The following NPM1 variants were observed in gnomAD, a reference collection of about 807,000 sequenced individuals.
NPM1 encodes nucleophosmin.
NPM1 carries 1 observed loss-of-function variant against 44.1 expected under a neutral mutation model. That is an observed-to-expected ratio of 0.02 (90% confidence interval 0.01 to 0.11). The LOEUF (loss-of-function observed/expected upper bound fraction) is 0.11, where lower values mean the gene tolerates loss of function less well. NPM1 is among the 10% of genes least tolerant of loss of function. The probability of loss-of-function intolerance (pLI) is 1.00; values close to 1 mark genes in which losing one functional copy is unlikely to be tolerated. For missense variants in NPM1, 197 were observed against 347.8 expected (o/e 0.57, Z 3.45); for synonymous variants, 126 against 111.8 (o/e 1.13, Z -0.80).
intron 10 of NPM1, among the ~76,000 whole-genome samples, chr5:171,409,559 A>G (rs1771722975): frequency 1.3e-5 from 2 of 152,212 alleles, no homozygotes; most frequent in South Asian, 2.1e-4. Context: ...AAAGATTTCT[A>G]TGATATTTAA....
intron 8 of NPM1, among the ~76,000 whole-genome samples, 181 bp from the exon 9 acceptor site, chr5:171,405,119 CCT>C (rs1332391854): frequency 2.0e-5 from 3 of 152,034 alleles, no homozygotes; most frequent in Non-Finnish European, 4.4e-5. Context: ...CTTATTCCTT[CCT>C]TAAAGGAAAG....
intron 7 of NPM1, among the ~76,000 whole-genome samples, 199 bp downstream of exon 7, chr5:171,400,409 T>C (rs772769856): frequency 1.3e-5 from 2 of 151,952 alleles, no homozygotes; most frequent in Non-Finnish European, 2.9e-5. Flanking sequence ...CTCCACCCAG[T>C]TTGTTAGTCT....
intron 9 of NPM1, chr5:171,406,345 A>G (rs1047002397): frequency 2.3e-5 from 35 of 1,504,784 alleles, no homozygotes; most frequent in Non-Finnish European, 2.9e-5. Context: ...CATCTTTTAG[A>G]TGCCCCTCCC....
At chr5:171,405,867 CTT>C in intron 9 of NPM1, 1 of 185,296 alleles carries the variant, frequency 5.4e-6, no homozygotes, top group Non-Finnish European at 1.1e-5. Context: ...AGACATTTCT[CTT>C]TGCCCTTTAC....
intron 4 of NPM1, among the ~76,000 whole-genome samples, chr5:171,392,277 A>C (rs1770616685): frequency 6.6e-6 from 1 of 152,140 alleles, no homozygotes; most frequent in Admixed American, 6.6e-5. Context: ...TCTCATTATA[A>C]CGGCTGGAGT....
At position 171,404,941 on chromosome 5, in the gene NPM1, T is replaced by G. The variant is rs573100021; in HGVS notation, c.670-361T>G. The stretch of plus-strand genomic sequence containing the variant: ...AAAAGCAAACTCCCAAGTTACTCTT[T>G]TTTTTTTTATTTAAAGAGATGGGTG... On this transcript the variant is annotated intron_variant, in intron 8 of 10. Transcript: ENST00000296930. 1.7e-3 allele frequency among the ~76,000 whole-genome samples: 265 copies of G among 152,184 alleles called. 1 individual carries two copies. The highest frequency in any genetic ancestry group is 3.4e-3 in the Middle Eastern group (1 of 294).
In NPM1 at chr5:171,391,230, C is replaced by T. The variant is rs2113166342; in HGVS notation, c.139-75C>T. ...CCTGTGGTTAAGTGACGCATGGCTG[C>T]ATATAACATTTAGTGGGGGGGTGTA... On this transcript the variant is annotated intron_variant, in intron 2 of 10. Transcript: ENST00000296930. 3 of 1,529,562 alleles carry T rather than the reference C, an allele frequency of 2.0e-6. No individual in the cohort carries two copies. The South Asian group carries it at 3.6e-5, about 19-fold the overall frequency. The allele number at this position is 1,529,562 out of a possible 1,614,324, so 94.7% of individuals were successfully genotyped here.
At chr5:171,388,753 G>T (rs1407920356) in intron 1 of NPM1, among the ~76,000 whole-genome samples, 1 of 152,204 alleles carries the variant, frequency 6.6e-6, no homozygotes, top group East Asian at 1.9e-4. Context: ...CATGTACTGT[G>T]ATGGCAGCTC....
intron 6 of NPM1, among the ~76,000 whole-genome samples, chr5:171,393,848 T>C (rs1770722309): frequency 6.6e-6 from 1 of 152,106 alleles, no homozygotes; most frequent in Non-Finnish European, 1.5e-5. Flanking sequence ...AAATTCAAAG[T>C]ATGACCAGGC....
upstream of NPM1, chr5:171,387,813 T>G: frequency 1.3e-6 from 1 of 797,472 alleles, no homozygotes. Context: ...TCGCGAGATC[T>G]TCAGGGTCTA....
chr5:171,403,444 CT>C (rs1370332102), intron 8 of NPM1, among the ~76,000 whole-genome samples: 1 of 117,162 alleles, frequency 8.5e-6, no homozygotes, highest in Non-Finnish European at 1.9e-5. Context: ...ATTTCTCAAT[CT>C]TTTCCCCACC....
upstream of NPM1, among the ~76,000 whole-genome samples, chr5:171,387,459 C>A (rs1770272529): frequency 6.6e-6 from 1 of 152,196 alleles, no homozygotes; most frequent in African/African-American, 2.4e-5. Flanking sequence ...CCGGCTAACC[C>A]GCCATATCTT....
intron 4 of NPM1, among the ~76,000 whole-genome samples, 159 bp downstream of exon 4, chr5:171,391,958 G>C (rs565797181): frequency 1.7e-5 from 2 of 116,428 alleles, no homozygotes; most frequent in East Asian, 3.1e-4. Flanking sequence ...TTTTTGGGGC[G>C]GGGGGGAGAG....
Position 171,392,744 on chromosome 5 carries a change from G to A in NPM1, c.387G>A (p.Glu129=), listed in dbSNP as rs780415062. The change falls in exon 5 of 11, where the codon GAG becomes GAA. Residue 129 remains glutamate, a synonymous_variant. Transcript: ENST00000296930. ...AAGATGCAGAGTCAGAAGATGAAGA[G>A]GAGGAGGATGTGAAACTCTTAAGTA... ...VEEDAESEDE[E]EEDVKLLSIS... The A allele has an allele frequency of 1.9e-6, 3 of 1,612,324 alleles. No individual in the cohort carries two copies. The highest frequency in any genetic ancestry group is 2.5e-6 in the Non-Finnish European group (3 of 1,178,524).
intron 6 of NPM1, among the ~76,000 whole-genome samples, chr5:171,399,538 T>C (rs565362564): frequency 5.3e-5 from 8 of 152,278 alleles, no homozygotes; most frequent in Admixed American, 5.2e-4. Flanking sequence ...TGCCAGTTCT[T>C]GGGTTTGTTT....
intron 1 of NPM1, among the ~76,000 whole-genome samples, chr5:171,388,930 G>GCTT (rs1770426321): frequency 6.6e-6 from 1 of 152,220 alleles, no homozygotes; most frequent in African/African-American, 2.4e-5. Flanking sequence ...CGTAGCTGCT[G>GCTT]CTTCGTGAAT....
intron 1 of NPM1, among the ~76,000 whole-genome samples, chr5:171,389,705 T>G (rs1770472675): frequency 1.3e-5 from 2 of 152,212 alleles, no homozygotes; most frequent in Non-Finnish European, 2.9e-5. Flanking sequence ...ATCAGCTGTT[T>G]TAAATAGTGG....
chr5:171,387,868 G>C lies in NPM1; in HGVS notation c.-81G>C, dbSNP rs1561861450. The C allele has an allele frequency of 1.7e-5, 22 of 1,312,040 alleles. No homozygotes were observed. Among genetic ancestry groups the C allele is most frequent in the Non-Finnish European group, 2.2e-6 (2 of 910,382 alleles). The allele number at this position is 1,312,040 out of a possible 1,614,324, so 81.3% of individuals were successfully genotyped here. On this transcript the variant is annotated 5_prime_UTR_variant, in exon 1 of 11. Coordinates refer to ENST00000296930, the MANE Select transcript of NPM1 (RefSeq NM_002520.7). The stretch of plus-strand genomic sequence containing the variant: ...TGCGTCCTTTCCCTGGTGTGATTCC[G>C]TCCTGCGCGGTTGTTCTCTGGAGCA...
intron 1 of NPM1, 110 bp from the exon 2 acceptor site, chr5:171,389,941 A>G: frequency 1.5e-6 from 1 of 668,940 alleles, no homozygotes; most frequent in African/African-American, 1.8e-5. Context: ...CTGGTAGCTA[A>G]AATAGTGAAA....
Sources: gnomAD v4.1 joint callset for allele counts (sites outside exome capture counted in the v4.1 genomes callset) on GRCh38, gnomAD v4.1.1 for gene constraint, MANE v1.5 for transcripts, NCBI Gene and HGNC (gene_info 2026-07-23, HGNC 2026-07-21) for gene names.